Variants in JAK1 observed in about 807,000 individuals in gnomAD.
JAK1 encodes the protein tyrosine-protein kinase JAK1.
In JAK1, 16 loss-of-function variants were observed where a neutral mutation model predicts 136.6. The ratio of observed to expected loss-of-function variants is 0.12; its 90% CI spans 0.08 to 0.18. The LOEUF (loss-of-function observed/expected upper bound fraction) is 0.18, where lower values mean the gene tolerates loss of function less well. JAK1 is among the 10% of genes least tolerant of loss of function. The pLI is 1.00. For synonymous variants in JAK1, 492 were observed against 519.5 expected, an observed-to-expected ratio of 0.95 and a Z score of 0.72; for missense variants, 859 against 1,450.1, an observed-to-expected ratio of 0.59 and a Z score of 6.62.
At position 65,007,229 on chromosome 1, in the gene JAK1, C is replaced by A. The variant is rs577843895; in HGVS notation, c.-78+37251G>T. ...CCCAAGGCAGGCCTGTAGGTGGGTT[C>A]CCGAAAGGAAGAAGATCCGGGTGCC... is the stretch of plus-strand genomic sequence containing the variant. On this transcript the variant is annotated intron_variant, in intron 2 of 25. Coordinates refer to the JAK1 transcript ENST00000671954. 4.6e-5 allele frequency among the ~76,000 whole-genome samples: 7 copies of A among 152,276 alleles called. No homozygotes were observed. The East Asian group carries it at 1.2e-3, about 25-fold the overall frequency.
intron 2 of JAK1, among the ~76,000 whole-genome samples, chr1:65,024,677 A>AG (rs1336112427): frequency 1.3e-5 from 2 of 150,328 alleles, no homozygotes; most frequent in African/African-American, 4.9e-5. Context: ...AAAAAAAAAA[A>AG]AAAGAAAGAA....
chr1:64,931,712 C>A (rs145425561), intron 1 of JAK1, among the ~76,000 whole-genome samples: 1 of 152,214 alleles, frequency 6.6e-6, no homozygotes, highest in East Asian at 1.9e-4. Flanking sequence ...AAACTCTGTT[C>A]TTTAATGGTA....
chr1:65,058,376 C>G (rs1647642357), intron 1 of JAK1: 2 of 533,772 alleles, frequency 3.7e-6, no homozygotes, highest in Admixed American at 1.9e-5. Flanking sequence ...TCACATTCCT[C>G]TTTCACCTTC....
chr1:64,863,440 C>T (rs1481764843), intron 8 of JAK1, among the ~76,000 whole-genome samples: 1 of 152,160 alleles, frequency 6.6e-6, no homozygotes, highest in Non-Finnish European at 1.5e-5. Flanking sequence ...CCCTCCATTT[C>T]GCATCTTTCC....
intron 2 of JAK1, among the ~76,000 whole-genome samples, chr1:65,000,706 G>A (rs1646747586): frequency 1.3e-5 from 2 of 152,082 alleles, no homozygotes; most frequent in South Asian, 4.1e-4. Context: ...CATTGTGTTC[G>A]ATGTGATTAC....
intron 1 of JAK1, among the ~76,000 whole-genome samples, chr1:64,957,119 G>A (rs1646201676): frequency 6.6e-6 from 1 of 152,110 alleles, no homozygotes; most frequent in Non-Finnish European, 1.5e-5. Context: ...GTTTGCAAAG[G>A]GTTAAAGAAT....
At chr1:65,044,224 G>T (rs544724070) in intron 2 of JAK1, among the ~76,000 whole-genome samples, 8 of 152,292 alleles carry the variant, frequency 5.3e-5, no homozygotes, top group South Asian at 2.1e-4. Flanking sequence ...GTTGGCAAAG[G>T]TTAGAGATAT....
upstream of JAK1, among the ~76,000 whole-genome samples, chr1:64,968,374 C>A (rs1351674417): frequency 6.6e-6 from 1 of 152,158 alleles, no homozygotes; most frequent in Non-Finnish European, 1.5e-5. Flanking sequence ...TTCAGTGATT[C>A]CCGGTCCTGT....
At chr1:64,906,219 G>C (rs1645187973) in intron 1 of JAK1, among the ~76,000 whole-genome samples, 1 of 151,706 alleles carries the variant, frequency 6.6e-6, no homozygotes, top group Non-Finnish European at 1.5e-5. Flanking sequence ...GTTTGAACCT[G>C]GGAGGCGGGA....
At position 64,839,826 on chromosome 1, in the gene JAK1, G is replaced by A. The variant is rs759763631; in HGVS notation, c.2650-31C>T. The A allele has an allele frequency of 1.7e-5, 26 of 1,563,204 alleles. No individual in the cohort carries two copies. In the African/African-American group the frequency reaches 2.3e-4, roughly 14 times the overall value. On this transcript the variant is annotated intron_variant, in intron 19 of 24. Transcript: ENST00000342505. ...GGGAAAGATGCATGTGCTGTTATCA[G>A]GGAAGCCCCATCGTAGGCCACGGAA...
intron 2 of JAK1, among the ~76,000 whole-genome samples, chr1:65,017,424 C>T (rs981609703): frequency 3.3e-5 from 5 of 151,976 alleles, no homozygotes; most frequent in Non-Finnish European, 7.4e-5. Context: ...GCTGAAATTG[C>T]GCCACTGCAC....
At chr1:65,000,000 T>G (rs1646739309) in intron 2 of JAK1, among the ~76,000 whole-genome samples, 1 of 151,440 alleles carries the variant, frequency 6.6e-6, no homozygotes, top group South Asian at 2.1e-4. Flanking sequence ...TAAGTTTTTT[T>G]TTTTTTTTTA....
At chr1:65,033,603 C>T (rs1455439445) in intron 2 of JAK1, among the ~76,000 whole-genome samples, 5 of 151,886 alleles carry the variant, frequency 3.3e-5, no homozygotes, top group African/African-American at 1.2e-4. Context: ...GAAAACATTG[C>T]CCATTTGGGT....
chr1:64,908,053 A>G (rs1252381876), intron 1 of JAK1, among the ~76,000 whole-genome samples: 1 of 152,220 alleles, frequency 6.6e-6, no homozygotes, highest in Non-Finnish European at 1.5e-5. Context: ...TAAAGAAAAA[A>G]AAGTGACAAA....
intron 2 of JAK1, among the ~76,000 whole-genome samples, chr1:65,020,467 A>C (rs1363634836): frequency 6.6e-6 from 1 of 152,162 alleles, no homozygotes; most frequent in Non-Finnish European, 1.5e-5. Context: ...TTGAAACTGG[A>C]AACGATTCAC....
At chr1:65,022,664 C>T (rs1210205046) in intron 2 of JAK1, among the ~76,000 whole-genome samples, 1 of 152,168 alleles carries the variant, frequency 6.6e-6, no homozygotes, top group East Asian at 1.9e-4. Context: ...CATTTTATTA[C>T]TTTTATTATC....
intron 1 of JAK1, among the ~76,000 whole-genome samples, chr1:64,929,860 G>C (rs909525319): frequency 6.6e-5 from 10 of 152,048 alleles, no homozygotes; most frequent in African/African-American, 9.7e-5. Context: ...CAGAACAAAG[G>C]CCTCAGAAAT....
At chr1:64,841,367 GA>G (rs1402314204) in intron 18 of JAK1, 28 bp from the exon 19 acceptor site, 2 of 1,611,974 alleles carry the variant, frequency 1.2e-6, no homozygotes, top group South Asian at 2.2e-5. Context: ...AAAACAGAGT[GA>G]AAGGCAGTCG....
At chr1:65,000,116 G>A (rs1210624728) in intron 2 of JAK1, among the ~76,000 whole-genome samples, 10 of 151,442 alleles carry the variant, frequency 6.6e-5, no homozygotes, top group Admixed American at 2.0e-4. Context: ...TCAGCCTCCC[G>A]AGTAGCTGGG....
Sources: allele counts gnomAD v4.1 joint callset (sites outside exome capture counted in the v4.1 genomes callset), GRCh38; gene constraint gnomAD v4.1.1; transcripts MANE v1.5; gene names NCBI Gene and HGNC (gene_info 2026-07-23, HGNC 2026-07-21).